The following KAZN variants were observed in gnomAD, a reference collection of about 807,000 sequenced individuals.
KAZN encodes kazrin.
KAZN carries 40 observed loss-of-function variants against 87.4 expected under a neutral mutation model. That is an observed-to-expected ratio of 0.46 (90% confidence interval 0.36 to 0.60). KAZN has a LOEUF of 0.60. Ranked by LOEUF, KAZN falls within the 20% of genes least tolerant of loss-of-function variation. KAZN has a pLI of 0.00. For missense variants in KAZN, 898 were observed against 1,073.9 expected, an observed-to-expected ratio of 0.84 and a Z score of 2.29; for synonymous variants, 466 against 458.3, an observed-to-expected ratio of 1.02 and a Z score of -0.22.
At chr1:14,403,711 C>T (rs762893752) in intron 2 of KAZN, among the ~76,000 whole-genome samples, 7 of 152,132 alleles carry the variant, frequency 4.6e-5, no homozygotes, top group Non-Finnish European at 5.9e-5. Flanking sequence ...CAACTAGTAA[C>T]GAGATACCAT....
intron 2 of KAZN, among the ~76,000 whole-genome samples, chr1:14,422,279 T>C (rs1665476788): frequency 6.6e-6 from 1 of 152,232 alleles, no homozygotes. Context: ...CCGTGTTTAC[T>C]CAGCTATCTG....
chr1:14,615,640 AGAG>A (rs1678174765), intron 1 of KAZN, among the ~76,000 whole-genome samples: 1 of 151,030 alleles, frequency 6.6e-6, no homozygotes, highest in Admixed American at 6.6e-5. Flanking sequence ...AAAAAAAAAA[AGAG>A]GAGCAGAGGG....
At chr1:14,440,436 A>T (rs1162810957) in intron 2 of KAZN, among the ~76,000 whole-genome samples, 1 of 152,190 alleles carries the variant, frequency 6.6e-6, no homozygotes, top group East Asian at 1.9e-4. Flanking sequence ...GGGAACTACC[A>T]TATTGGATTG....
At chr1:14,770,171 G>C (rs1372271119) in intron 1 of KAZN, among the ~76,000 whole-genome samples, 8 of 152,184 alleles carry the variant, frequency 5.3e-5, no homozygotes, top group Non-Finnish European at 1.0e-4. Context: ...TTGGACTTCA[G>C]CCTAAGGAAA....
intron 1 of KAZN, among the ~76,000 whole-genome samples, chr1:14,687,260 C>A (rs544897035): frequency 6.0e-4 from 92 of 152,308 alleles, no homozygotes; most frequent in African/African-American, 2.1e-3. Flanking sequence ...TATTAAGCAC[C>A]TGCTGTGACT....
In KAZN at chr1:15,010,372, A is replaced by G. The variant is rs181535474; in HGVS notation, c.419-24377A>G. Among the ~76,000 whole-genome samples the G allele has an allele frequency of 2.1e-5, 3 of 145,560 alleles. No individual in the cohort carries two copies. The East Asian group carries it at 6.1e-4, about 29-fold the overall frequency. On this transcript the variant is annotated intron_variant, in intron 2 of 14. Coordinates refer to ENST00000376030, the MANE Select transcript of KAZN (RefSeq NM_201628.3). ...GTCCTCCTCTCCAGGGGCACGTGCC[A>G]TCTGGTTGTCTTGCTTTTTTTTTTT... is the stretch of plus-strand genomic sequence containing the variant.
chr1:14,001,724 G>A (rs183966048), intron 1 of KAZN, among the ~76,000 whole-genome samples: 185 of 152,216 alleles, frequency 1.2e-3, no homozygotes, highest in African/African-American at 4.4e-3. Context: ...TCTGATCTTC[G>A]ACAAACCTGA....
At chr1:14,673,918 G>C (rs1640066022) in intron 1 of KAZN, among the ~76,000 whole-genome samples, 1 of 152,134 alleles carries the variant, frequency 6.6e-6, no homozygotes, top group African/African-American at 2.4e-5. Flanking sequence ...TTCACCACTG[G>C]ACTTTGGTTA....
chr1:14,990,270 T>G (rs777828860), intron 2 of KAZN, among the ~76,000 whole-genome samples: 4 of 152,204 alleles, frequency 2.6e-5, no homozygotes, highest in Non-Finnish European at 5.9e-5. Flanking sequence ...TCACCCAAGC[T>G]GGAGTGCAGT....
intron 1 of KAZN, among the ~76,000 whole-genome samples, chr1:14,091,621 C>T (rs1295795251): frequency 6.6e-6 from 1 of 152,122 alleles, no homozygotes. Context: ...TTGTGAATGT[C>T]AACATTTTGA....
intron 2 of KAZN, among the ~76,000 whole-genome samples, chr1:14,314,625 T>C (rs1426236021): frequency 6.6e-6 from 1 of 152,082 alleles, no homozygotes; most frequent in Non-Finnish European, 1.5e-5. Flanking sequence ...TGACATGACA[T>C]CATTCTTTCA....
chr1:13,943,520 TTAAA>T (rs1332813366), intron 1 of KAZN, among the ~76,000 whole-genome samples: 1 of 151,612 alleles, frequency 6.6e-6, no homozygotes, highest in Non-Finnish European at 1.5e-5. Context: ...GACACAAAGC[TTAAA>T]TAAAGGTGTT....
chr1:14,466,695 G>A (rs369792410), intron 2 of KAZN, among the ~76,000 whole-genome samples: 201 of 151,390 alleles, frequency 1.3e-3, no homozygotes, highest in East Asian at 6.8e-3. Context: ...ACGGCCAGGC[G>A]CGGTGGCTCA....
intron 2 of KAZN, among the ~76,000 whole-genome samples, chr1:14,417,111 G>C (rs374897901): frequency 1.3e-5 from 2 of 151,320 alleles, no homozygotes; most frequent in South Asian, 2.1e-4. Context: ...AGAATAGCTC[G>C]AACCTGGGAG....
At chr1:14,230,582 T>C (rs1184586314) in intron 2 of KAZN, among the ~76,000 whole-genome samples, 1 of 152,160 alleles carries the variant, frequency 6.6e-6, no homozygotes, top group Non-Finnish European at 1.5e-5. Context: ...CTATAGCTTG[T>C]TGGAATTTAC....
chr1:15,069,084 CT>C (rs1639393188), intron 8 of KAZN, among the ~76,000 whole-genome samples: 1 of 149,490 alleles, frequency 6.7e-6, no homozygotes, highest in Non-Finnish European at 1.5e-5. Context: ...GTATTTAAAT[CT>C]CCTCTGGTGA....
In KAZN at chr1:13,981,088, T is replaced by TC. The variant is rs1557760587; in HGVS notation, c.91+87332_91+87333insC. On this transcript the variant is annotated intron_variant, in intron 1 of 16. Transcript: ENST00000636203. ...CTTGGAGAGGTATAAAAAATTACTC[T>TC]TTATATATATATATATATATATGTA... is the stretch of plus-strand genomic sequence containing the variant. Among the ~76,000 whole-genome samples the TC allele has an allele frequency of 4.1e-3, 447 of 109,352 alleles. 20 individuals are homozygous for TC. The highest frequency in any genetic ancestry group is 0.013 in the African/African-American group (344 of 27,308). 71.7% of individuals were successfully genotyped at this position (109,352 alleles called of 152,430 possible).
At chr1:14,240,237 T>C (rs1247795297) in intron 2 of KAZN, among the ~76,000 whole-genome samples, 2 of 152,110 alleles carry the variant, frequency 1.3e-5, no homozygotes, top group African/African-American at 4.8e-5. Context: ...TATCAGCAGA[T>C]AAAAGGAAAC....
At chr1:14,870,257 G>A (rs529162853) in intron 1 of KAZN, among the ~76,000 whole-genome samples, 80 of 152,222 alleles carry the variant, frequency 5.3e-4, no homozygotes, top group Non-Finnish European at 8.8e-4. Context: ...GGTGAAGGGT[G>A]AGTCCCAGCT....
Sources: gnomAD v4.1 joint callset for allele counts (sites outside exome capture counted in the v4.1 genomes callset) on GRCh38, gnomAD v4.1.1 for gene constraint, MANE v1.5 for transcripts, NCBI Gene and HGNC (gene_info 2026-07-23, HGNC 2026-07-21) for gene names.